SPIDR: variants seen among roughly 807,000 people sequenced by gnomAD.
The protein encoded by SPIDR is DNA repair-scaffolding protein.
SPIDR carries 93 observed loss-of-function variants against 104.6 expected under a neutral mutation model. The observed-to-expected ratio is 0.89, with a 90% CI of 0.75 to 1.06. SPIDR has a LOEUF of 1.06. SPIDR is among the 50% of genes least tolerant of loss of function. The probability of loss-of-function intolerance (pLI) is 0.00; values close to 1 mark genes in which losing one functional copy is unlikely to be tolerated. For missense variants in SPIDR, 1,154 were observed against 1,111.2 expected (o/e 1.04, Z -0.55); for synonymous variants, 431 against 416.9 (o/e 1.03, Z -0.41).
intron 10 of SPIDR, among the ~76,000 whole-genome samples, chr8:47,622,096 G>A (rs1008550377): frequency 1.3e-5 from 2 of 152,146 alleles, no homozygotes; most frequent in African/African-American, 4.8e-5. Flanking sequence ...AGGAAGCAGA[G>A]TTCAGAGCTT....
chr8:47,549,178 A>G (rs2090015484), intron 8 of SPIDR, among the ~76,000 whole-genome samples: 1 of 152,206 alleles, frequency 6.6e-6, no homozygotes, highest in Non-Finnish European at 1.5e-5. Context: ...ATTGATGGAC[A>G]TTTGGGTTGG....
intron 16 of SPIDR, among the ~76,000 whole-genome samples, chr8:47,719,402 G>A (rs761744857): frequency 9.9e-5 from 15 of 152,014 alleles, no homozygotes; most frequent in Non-Finnish European, 1.9e-4. Context: ...CCAGCTACTC[G>A]GGAGGCTGAG....
chr8:47,458,323 GTATTTTATTT>G (rs71225684), intron 8 of SPIDR, among the ~76,000 whole-genome samples: 19,360 of 112,062 alleles, frequency 0.17, 1,742 homozygotes, highest in Middle Eastern at 0.24. Flanking sequence ...ATATTCCTAA[GTATTTTATTT>G]TATTTTATTT....
At chr8:47,520,872 A>G (rs1300877696) in intron 8 of SPIDR, among the ~76,000 whole-genome samples, 1 of 152,146 alleles carries the variant, frequency 6.6e-6, no homozygotes, top group African/African-American at 2.4e-5. Context: ...ATCTTAACAA[A>G]CTGGATGAGG....
chr8:47,509,347 TG>T (rs1173664315), intron 8 of SPIDR, among the ~76,000 whole-genome samples: 1 of 148,256 alleles, frequency 6.7e-6, no homozygotes, highest in South Asian at 2.2e-4. Context: ...AGTTACGAGG[TG>T]GGTAAGCAGG....
intron 5 of SPIDR, among the ~76,000 whole-genome samples, chr8:47,315,037 A>G (rs1160762433): frequency 6.6e-6 from 1 of 152,180 alleles, no homozygotes; most frequent in Non-Finnish European, 1.5e-5. Flanking sequence ...GAGATAAAGA[A>G]GGGCATTTCA....
chr8:47,679,724 C>T (rs780278413), intron 11 of SPIDR, among the ~76,000 whole-genome samples: 1 of 152,208 alleles, frequency 6.6e-6, no homozygotes, highest in Admixed American at 6.5e-5. Context: ...TACAACTGTT[C>T]CTTGTAGGGT....
rs538851499 is a variant in SPIDR, at chr8:47,718,386, C to T, written c.2341+4745C>T. Among the ~76,000 whole-genome samples, 63 of 151,708 alleles carry T rather than the reference C, an allele frequency of 4.2e-4. No homozygotes were observed. In the South Asian group the frequency reaches 0.013, roughly 32 times the overall value. On this transcript the variant is annotated intron_variant, in intron 16 of 19. Transcript: ENST00000297423. ...TTAAGATGAAAATTATTTTTTTTTT[C>T]TGTGCCCTCATTTTACAAATTGGTG...
chr8:47,417,742 T>C lies in SPIDR; in HGVS notation c.877+9781T>C, dbSNP rs1177844696. Among the ~76,000 whole-genome samples, 3 of 152,312 alleles carry C rather than the reference T, an allele frequency of 2.0e-5. No individual in the cohort carries two copies. In the East Asian group the frequency reaches 5.8e-4, roughly 29 times the overall value. ...GTATTGCCTAGGTTTTCTTCTAGGG[T>C]TTTTATGGTTTTAGGTCTAACATGT... On this transcript the variant is annotated intron_variant, in intron 7 of 19. Coordinates refer to ENST00000297423, the MANE Select transcript of SPIDR (RefSeq NM_001080394.4).
At chr8:47,723,367 G>A (rs991457338) in intron 16 of SPIDR, among the ~76,000 whole-genome samples, 2 of 146,912 alleles carry the variant, frequency 1.4e-5, no homozygotes, top group African/African-American at 5.0e-5. Flanking sequence ...TGCCTATTCT[G>A]ATTTTTATTG....
intron 10 of SPIDR, among the ~76,000 whole-genome samples, chr8:47,666,253 T>C (rs1263637062): frequency 6.6e-6 from 1 of 152,236 alleles, no homozygotes; most frequent in Non-Finnish European, 1.5e-5. Flanking sequence ...AAGTGCTCAG[T>C]AGCCACATAT....
At chr8:47,471,979 A>G (rs1207520248) in intron 8 of SPIDR, among the ~76,000 whole-genome samples, 3 of 152,218 alleles carry the variant, frequency 2.0e-5, no homozygotes, top group African/African-American at 4.8e-5. Context: ...CAACTGATTA[A>G]TCATTAGACT....
intron 1 of SPIDR, among the ~76,000 whole-genome samples, chr8:47,270,970 CTA>C (rs2035192153): frequency 6.6e-6 from 1 of 152,126 alleles, no homozygotes; most frequent in African/African-American, 2.4e-5. Flanking sequence ...GAGTTATGGC[CTA>C]ACATGGTCTG....
intron 8 of SPIDR, among the ~76,000 whole-genome samples, chr8:47,558,467 A>G (rs898115771): frequency 6.6e-6 from 1 of 152,036 alleles, no homozygotes. Flanking sequence ...ATATATCTTG[A>G]GTCTTTTTGT....
rs900533750 is a variant in SPIDR at position 47,390,994 on chromosome 8, C to G, written c.526-5382C>G. Among the ~76,000 whole-genome samples the G allele has an allele frequency of 2.6e-5, 4 of 152,262 alleles. No homozygotes were observed. In the East Asian group the frequency reaches 7.7e-4, roughly 29 times the overall value. On this transcript the variant is annotated intron_variant, in intron 5 of 19. Transcript: ENST00000297423. ...TCTCTTCCACCCTCTCTGGCACACA[C>G]TTGTCTGTGCACACATGCACACCTG... is the stretch of plus-strand genomic sequence containing the variant.
intron 4 of SPIDR, among the ~76,000 whole-genome samples, chr8:47,292,621 G>C (rs1352431091): frequency 6.6e-6 from 1 of 152,046 alleles, no homozygotes; most frequent in African/African-American, 2.4e-5. Flanking sequence ...AATTATTGTA[G>C]ACCCAATTTC....
intron 8 of SPIDR, among the ~76,000 whole-genome samples, chr8:47,469,337 T>G (rs1016458869): frequency 6.6e-6 from 1 of 152,088 alleles, no homozygotes; most frequent in Non-Finnish European, 1.5e-5. Flanking sequence ...AAATCAGAAC[T>G]CTCATTTGAC....
chr8:47,572,766 A>G (rs1182743411), intron 8 of SPIDR, among the ~76,000 whole-genome samples: 2 of 152,116 alleles, frequency 1.3e-5, no homozygotes, highest in African/African-American at 2.4e-5. Flanking sequence ...ATTGAGAAAC[A>G]TTTTTGAGAC....
At chr8:47,450,797 A>G (rs1435485846) in intron 8 of SPIDR, among the ~76,000 whole-genome samples, 6 of 152,310 alleles carry the variant, frequency 3.9e-5, no homozygotes, top group Middle Eastern at 3.4e-3. Context: ...ATAACTACCA[A>G]CCTGGAAGGA....
Sources: gnomAD v4.1 joint callset for allele counts (sites outside exome capture counted in the v4.1 genomes callset) on GRCh38, gnomAD v4.1.1 for gene constraint, MANE v1.5 for transcripts, NCBI Gene and HGNC (gene_info 2026-07-23, HGNC 2026-07-21) for gene names.